The following EXOC2 variants were observed in gnomAD, a reference collection of about 807,000 sequenced individuals.
EXOC2 encodes the protein exocyst complex component 2.
EXOC2 carries 70 observed loss-of-function variants against 131.8 expected under a neutral mutation model. The observed-to-expected ratio is 0.53, with a 90% confidence interval of 0.44 to 0.65. The LOEUF (loss-of-function observed/expected upper bound fraction) is 0.65, where lower values mean the gene tolerates loss of function less well. EXOC2 is among the 30% of genes least tolerant of loss of function. EXOC2 has a pLI of 0.00. For synonymous variants in EXOC2, 411 were observed against 398.4 expected (o/e 1.03, Z -0.38); for missense variants, 923 against 1,108.6 (o/e 0.83, Z 2.38).
At position 521,122 on chromosome 6, in the gene EXOC2, C is replaced by A. The variant is rs1320875576; in HGVS notation, c.2380+11347G>T. On this transcript the variant is annotated intron_variant, in intron 23 of 27. Coordinates refer to ENST00000230449, the MANE Select transcript of EXOC2 (RefSeq NM_018303.6). ...CGTCCACACTCGGACATGAAAACAACCACCCACCGAGTGCCTACACTCACT... is the reference window on the plus strand; with the variant it reads ...CGTCCACACTCGGACATGAAAACAAACACCCACCGAGTGCCTACACTCACT... 1.3e-5 allele frequency among the ~76,000 whole-genome samples: 2 copies of A among 148,312 alleles called. 1 individual carries two copies. The highest frequency in any genetic ancestry group is 3.0e-5 in the Non-Finnish European group (2 of 67,120).
intron 1 of EXOC2, among the ~76,000 whole-genome samples, chr6:653,370 T>C (rs932574553): frequency 1.3e-5 from 2 of 152,132 alleles, no homozygotes; most frequent in Non-Finnish European, 2.9e-5. Context: ...AAAGGAAAAA[T>C]TATTGATGGA....
At chr6:606,223 C>T (rs1377046911) in intron 7 of EXOC2, among the ~76,000 whole-genome samples, 5 of 152,142 alleles carry the variant, frequency 3.3e-5, no homozygotes, top group African/African-American at 9.7e-5. Context: ...ACAATGAGAA[C>T]ACCTGGACAC....
Position 486,610 on chromosome 6 carries a change from T to G in EXOC2, c.*61A>C. The G allele has an allele frequency of 7.0e-7, 1 of 1,423,978 alleles. No individual in the cohort carries two copies. Among genetic ancestry groups the G allele is most frequent in the Non-Finnish European group, 9.9e-7 (1 of 1,009,618 alleles). The allele number at this position is 1,423,978 out of a possible 1,614,324, so 88.2% of individuals were successfully genotyped here. A position where few individuals can be genotyped will look rare whatever the true frequency, so the allele number is the denominator to read the frequency against. On this transcript the variant is annotated 3_prime_UTR_variant, in exon 28 of 28. Transcript: ENST00000230449. ...AATACACCAAATACCTTTAGGGTAC[T>G]TAGAGAGTGAACAGTCTTATTACGT...
At chr6:661,120 T>G (rs868742579) in intron 1 of EXOC2, among the ~76,000 whole-genome samples, 8 of 152,114 alleles carry the variant, frequency 5.3e-5, no homozygotes, top group African/African-American at 1.9e-4. Context: ...TAAGAAAATA[T>G]GAACAAAGCC....
chr6:578,240 TTAAAG>T (rs1758691619), intron 11 of EXOC2, among the ~76,000 whole-genome samples: 1 of 152,164 alleles, frequency 6.6e-6, no homozygotes, highest in African/African-American at 2.4e-5. Flanking sequence ...TATTTCCAAA[TTAAAG>T]TAACATTTTG....
intron 13 of EXOC2, among the ~76,000 whole-genome samples, chr6:568,177 G>C (rs742489): frequency 0.097 from 14,798 of 152,262 alleles, 945 homozygotes; most frequent in African/African-American, 0.19. Flanking sequence ...GTGTCTGTGA[G>C]GTGTTTCTGG....
chr6:682,959 T>C (rs531762688), intron 1 of EXOC2, among the ~76,000 whole-genome samples: 14 of 152,270 alleles, frequency 9.2e-5, no homozygotes, highest in African/African-American at 3.4e-4. Context: ...CCAACATGAC[T>C]AAATTCCTGA....
intron 1 of EXOC2, among the ~76,000 whole-genome samples, chr6:645,803 T>C (rs1021657246): frequency 6.6e-6 from 1 of 152,146 alleles, no homozygotes; most frequent in African/African-American, 2.4e-5. Context: ...CATTTTTCAA[T>C]GAAAGGAACC....
At chr6:647,339 A>G (rs1280171899) in intron 1 of EXOC2, among the ~76,000 whole-genome samples, 1 of 151,852 alleles carries the variant, frequency 6.6e-6, no homozygotes, top group African/African-American at 2.4e-5. Flanking sequence ...TGATTAGTAC[A>G]AACATCAGAC....
chr6:521,552 CA>C (rs1452846477), intron 23 of EXOC2, among the ~76,000 whole-genome samples: 2 of 149,516 alleles, frequency 1.3e-5, no homozygotes, highest in Non-Finnish European at 3.0e-5. Flanking sequence ...TTTCCTGAGA[CA>C]GGGTCTGTCT....
intron 4 of EXOC2, among the ~76,000 whole-genome samples, chr6:625,574 C>T (rs1761523941): frequency 8.0e-6 from 1 of 125,242 alleles, no homozygotes. Context: ...AAGGCGTTCT[C>T]ATTGCCCATC....
intron 22 of EXOC2, among the ~76,000 whole-genome samples, chr6:542,069 C>A (rs1756589149): frequency 6.6e-6 from 1 of 152,174 alleles, no homozygotes; most frequent in Admixed American, 6.5e-5. Flanking sequence ...AAGGTAATTT[C>A]AAACAAAATA....
intron 23 of EXOC2, among the ~76,000 whole-genome samples, chr6:531,973 G>A (rs1363004215): frequency 1.3e-5 from 2 of 152,182 alleles, no homozygotes; most frequent in African/African-American, 4.8e-5. Context: ...CTTGAACTGT[G>A]TCATTCATCC....
Position 599,073 on chromosome 6 carries a change from A to C in EXOC2, c.888+7T>G. 1 of 1,606,784 alleles carries C rather than the reference A, an allele frequency of 6.2e-7. No individual in the cohort carries two copies. Among genetic ancestry groups the C allele is most frequent in the Non-Finnish European group, 8.5e-7 (1 of 1,175,732 alleles). On this transcript the variant is annotated splice_region_variant and intron_variant, in intron 8 of 27. Coordinates refer to ENST00000230449, the MANE Select transcript of EXOC2 (RefSeq NM_018303.6). ...ACCATATGTAAATAAATAAACATGT[A>C]CTCTACCTTTTGAATATTCCTTTCA...
chr6:692,827 G>GGCGGAGATGGGGGCT (rs1554154211), intron 1 of EXOC2, among the ~76,000 whole-genome samples, 192 bp downstream of exon 1: 2 of 144,858 alleles, frequency 1.4e-5, no homozygotes, highest in South Asian at 4.5e-4. Flanking sequence ...GGCGGCTGAC[G>GGCGGAGATGGGGGCT]GCGGGGATGG....
intron 23 of EXOC2, among the ~76,000 whole-genome samples, chr6:521,460 G>T (rs1490791802): frequency 6.6e-6 from 1 of 152,106 alleles, no homozygotes; most frequent in Non-Finnish European, 1.5e-5. Context: ...AGTGTCTTTA[G>T]AATAATGAAG....
chr6:631,727 C>G (rs759373299), intron 3 of EXOC2, among the ~76,000 whole-genome samples: 2 of 152,040 alleles, frequency 1.3e-5, no homozygotes, highest in Non-Finnish European at 2.9e-5. Context: ...AACTGTACAA[C>G]AAGTTCCTGC....
At chr6:611,458 C>T (rs1276267115) in intron 6 of EXOC2, among the ~76,000 whole-genome samples, 2 of 152,226 alleles carry the variant, frequency 1.3e-5, no homozygotes, top group Non-Finnish European at 2.9e-5. Flanking sequence ...CATGTAGCCA[C>T]ATTTTCTGAT....
intron 11 of EXOC2, among the ~76,000 whole-genome samples, chr6:582,104 T>G (rs1758938122): frequency 6.6e-6 from 1 of 152,146 alleles, no homozygotes; most frequent in Admixed American, 6.5e-5. Flanking sequence ...TAAAAGAAAG[T>G]AAACAATCTT....
Sources: allele counts gnomAD v4.1 joint callset (sites outside exome capture counted in the v4.1 genomes callset), GRCh38; gene constraint gnomAD v4.1.1; transcripts MANE v1.5; gene names NCBI Gene and HGNC (gene_info 2026-07-23, HGNC 2026-07-21).